GOLM2: variants seen among roughly 807,000 people sequenced by gnomAD.
GOLM2 encodes the protein protein GOLM2.
Under a neutral mutation model 55.9 loss-of-function variants are expected in GOLM2, and 26 were observed. The observed-to-expected ratio is 0.47, with a 90% CI of 0.34 to 0.65. The LOEUF (loss-of-function observed/expected upper bound fraction) is 0.65. Among genes scored for constraint, GOLM2 ranks in the 30% least tolerant of loss-of-function variants. GOLM2 has a pLI of 0.01. For missense variants in GOLM2, 486 were observed against 531.8 expected (o/e 0.91, Z 0.85); for synonymous variants, 165 against 194.6 (o/e 0.85, Z 1.27).
rs186294720 is a variant in GOLM2 at position 44,339,408 on chromosome 15, G to A, written c.802+1091G>A. Among the ~76,000 whole-genome samples the A allele has an allele frequency of 4.5e-3, 680 of 151,912 alleles. 4 individuals are homozygous for A. Among genetic ancestry groups the A allele is most frequent in the African/African-American group, 0.016 (647 of 41,410 alleles). ...GGCTGGAGTGCGGTGGCGTGATCTT[G>A]TTTCACTGCAACCTCAGCTTCCCAG... On this transcript the variant is annotated intron_variant, in intron 6 of 9. Transcript: ENST00000299957.
In GOLM2 at chr15:44,289,292, A is replaced by G. The variant is rs2078703665; in HGVS notation, c.263A>G (p.Tyr88Cys). Reference sequence around the variant, plus strand: ...CAGATCGACCAGAAGGAGGCCGACTACGGCCGCCTCAGCAGCCGGCTGCAG... The same window carrying G: ...CAGATCGACCAGAAGGAGGCCGACTGCGGCCGCCTCAGCAGCCGGCTGCAG... The part of the protein sequence containing the change: ...KKQIDQKEAD[Y>C]GRLSSRLQAR... The change falls in exon 1 of 10, where the codon TAC becomes TGC. Residue 88 changes from tyrosine (Y) to cysteine (C), a missense_variant. Coordinates refer to ENST00000299957, the MANE Select transcript of GOLM2 (RefSeq NM_138423.4). This position sits in a 1 kb window ranked among gnomAD's most constrained non-coding sequence, Gnocchi z 4.8. 6.2e-7 allele frequency: 1 copy of G among 1,613,054 alleles called. No homozygotes were observed. Among genetic ancestry groups the G allele is most frequent in the African/African-American group, 1.3e-5 (1 of 75,048 alleles).
chr15:44,349,259 CAAA>C lies in GOLM2; in HGVS notation c.802+10957_802+10959del, dbSNP rs144376603. Among the ~76,000 whole-genome samples, 6 of 63,448 alleles carry C rather than the reference CAAA, an allele frequency of 9.5e-5. No homozygotes were observed. The South Asian group carries it at 2.0e-3, about 22-fold the overall frequency. 41.6% of individuals were successfully genotyped at this position (63,448 alleles called of 152,430 possible). On this transcript the variant is annotated intron_variant, in intron 6 of 9. Transcript: ENST00000299957. ...GGGCAACAAGAGTGAAACTCCGTCT[CAAA>C]AAAAAAAAAAAAAACCACACAAAGA...
At chr15:44,361,023 A>T (rs927562965) in intron 6 of GOLM2, among the ~76,000 whole-genome samples, 1 of 151,472 alleles carries the variant, frequency 6.6e-6, no homozygotes, top group Admixed American at 6.6e-5. Context: ...AAGACACAAC[A>T]TACCAGAATC....
At chr15:44,363,576 A>T (rs1262192758) in intron 6 of GOLM2, among the ~76,000 whole-genome samples, 1 of 152,200 alleles carries the variant, frequency 6.6e-6, no homozygotes, top group Non-Finnish European at 1.5e-5. Context: ...AGAAATAGGA[A>T]CACTTTTACA....
chr15:44,360,876 G>A (rs1227662294), intron 6 of GOLM2, among the ~76,000 whole-genome samples: 7 of 152,080 alleles, frequency 4.6e-5, no homozygotes, highest in Non-Finnish European at 1.5e-5. Context: ...GTGCAATCAA[G>A]CTAGAACTCA....
chr15:44,360,031 C>A (rs2079226206), intron 6 of GOLM2, among the ~76,000 whole-genome samples: 1 of 151,984 alleles, frequency 6.6e-6, no homozygotes, highest in African/African-American at 2.4e-5. Context: ...CAGGCCTGCC[C>A]TAAAAGAGCT....
intron 2 of GOLM2, among the ~76,000 whole-genome samples, chr15:44,323,529 T>C (rs890797679): frequency 9.3e-5 from 14 of 151,338 alleles, no homozygotes; most frequent in Admixed American, 1.3e-4. Context: ...ATATTTTTAC[T>C]TGGATGAAGT....
intron 1 of GOLM2, among the ~76,000 whole-genome samples, chr15:44,290,857 A>C (rs918313501): frequency 1.3e-5 from 2 of 152,120 alleles, no homozygotes; most frequent in Non-Finnish European, 2.9e-5. Flanking sequence ...GCAGGAGTGC[A>C]ATGGCGTGAT....
chr15:44,351,610 A>G (rs1378534665), intron 6 of GOLM2, among the ~76,000 whole-genome samples: 1 of 140,276 alleles, frequency 7.1e-6, no homozygotes, highest in African/African-American at 3.1e-5. Flanking sequence ...ACAGACAAAC[A>G]AAGAACATCA....
chr15:44,373,778 A>G (rs1198750192), intron 6 of GOLM2, among the ~76,000 whole-genome samples: 1 of 152,010 alleles, frequency 6.6e-6, no homozygotes, highest in Non-Finnish European at 1.5e-5. Context: ...AAACAAAAAA[A>G]CAGATCTTGG....
chr15:44,349,443 A>G (rs1381075851), intron 6 of GOLM2, among the ~76,000 whole-genome samples: 1 of 152,188 alleles, frequency 6.6e-6, no homozygotes, highest in African/African-American at 2.4e-5. Context: ...AATGGGATAT[A>G]ACAGTTATAC....
chr15:44,347,131 AAGAGAGAG>A (rs150767007), intron 6 of GOLM2, among the ~76,000 whole-genome samples: 3 of 149,432 alleles, frequency 2.0e-5, no homozygotes, highest in Non-Finnish European at 4.5e-5. Flanking sequence ...CTAAACAAAA[AAGAGAGAG>A]AGAGAGAGAG....
At chr15:44,370,540 G>A (rs1188857363) in intron 6 of GOLM2, among the ~76,000 whole-genome samples, 1 of 152,056 alleles carries the variant, frequency 6.6e-6, no homozygotes, top group African/African-American at 2.4e-5. Context: ...TTCAGCCTGG[G>A]CACTAGAACA....
At chr15:44,326,571 C>G (rs557665684) in intron 2 of GOLM2, among the ~76,000 whole-genome samples, 4 of 148,118 alleles carry the variant, frequency 2.7e-5, no homozygotes, top group Non-Finnish European at 6.0e-5. Flanking sequence ...TTATTCTAGT[C>G]TTTTTTTTTG....
chr15:44,353,833 A>C (rs2079180481), intron 6 of GOLM2, among the ~76,000 whole-genome samples: 2 of 152,194 alleles, frequency 1.3e-5, no homozygotes, highest in South Asian at 4.1e-4. Flanking sequence ...TAATTGGTAC[A>C]AAAAATAGAA....
At chr15:44,340,603 A>C (rs2079084949) in intron 6 of GOLM2, among the ~76,000 whole-genome samples, 1 of 152,184 alleles carries the variant, frequency 6.6e-6, no homozygotes, top group South Asian at 2.1e-4. Flanking sequence ...CAGCAGTGTC[A>C]GCATTACCCA....
chr15:44,354,138 G>A (rs2141163731), intron 6 of GOLM2, among the ~76,000 whole-genome samples: 1 of 152,046 alleles, frequency 6.6e-6, no homozygotes, highest in East Asian at 1.9e-4. Flanking sequence ...TTAATCCACT[G>A]TATGTAATTG....
At chr15:44,320,606 AG>A (rs2078942352) in intron 1 of GOLM2, among the ~76,000 whole-genome samples, 1 of 152,206 alleles carries the variant, frequency 6.6e-6, no homozygotes, top group South Asian at 2.1e-4. Context: ...TGTCCGACCT[AG>A]CTGTATATTT....
intron 8 of GOLM2, among the ~76,000 whole-genome samples, chr15:44,396,152 C>G (rs986110712): frequency 1.3e-5 from 2 of 151,868 alleles, no homozygotes; most frequent in African/African-American, 4.8e-5. Flanking sequence ...GTCAGGAGTT[C>G]GAGACCAGCC....
Sources: gnomAD v4.1 joint callset for allele counts (sites outside exome capture counted in the v4.1 genomes callset) on GRCh38, gnomAD v4.1.1 for gene constraint, Gnocchi (gnomAD v3.1) non-coding constraint, MANE v1.5 for transcripts, NCBI Gene and HGNC (gene_info 2026-07-23, HGNC 2026-07-21) for gene names.